FBXO4: variants seen among roughly 807,000 people sequenced by gnomAD.
FBXO4 encodes the protein F-box only protein 4.
In FBXO4, 36 loss-of-function variants were observed where a neutral mutation model predicts 43.7. The ratio of observed to expected loss-of-function variants is 0.82; its 90% CI spans 0.63 to 1.09. The LOEUF (loss-of-function observed/expected upper bound fraction) is 1.09, where lower values mean the gene tolerates loss of function less well. FBXO4 is among the 50% of genes least tolerant of loss of function. The pLI is 0.00. For synonymous variants in FBXO4, 180 were observed against 165.6 expected (o/e 1.09, Z -0.67); for missense variants, 435 against 474.1 (o/e 0.92, Z 0.77).
the FBXO4 span, among the ~76,000 whole-genome samples, chr5:41,999,505 G>GTA: frequency 6.3e-5 from 4 of 63,360 alleles, no homozygotes; most frequent in African/African-American, 1.6e-4. Flanking sequence ...ATATATATAT[G>GTA]TGTATATATA....
At chr5:41,962,396 G>A in the FBXO4 span, among the ~76,000 whole-genome samples, 2 of 152,056 alleles carry the variant, frequency 1.3e-5, no homozygotes, top group East Asian at 3.9e-4. Context: ...TGCATCAGTG[G>A]GGGCCCTGAG....
the FBXO4 span, among the ~76,000 whole-genome samples, chr5:41,981,033 A>G: frequency 6.6e-6 from 1 of 152,074 alleles, no homozygotes; most frequent in East Asian, 1.9e-4. Context: ...CTAGATATAT[A>G]TAAGAGCCTT....
Position 41,941,709 on chromosome 5 carries a change from A to G in FBXO4, c.*428A>G, listed in dbSNP as rs1178912411. ...GTTATCAGAAAAGAAATTTTTATCT[A>G]TTCTTAATAAATACACTGCTTAAAG... On this transcript the variant is annotated 3_prime_UTR_variant, in exon 7 of 7. Transcript: ENST00000281623. The G allele has an allele frequency of 6.4e-6, 1 of 156,770 alleles. No homozygotes were observed. Among genetic ancestry groups the G allele is most frequent in the East Asian group, 1.8e-4 (1 of 5,514 alleles). The allele number at this position is 156,770 out of a possible 1,614,324, so 9.7% of individuals were successfully genotyped here.
At chr5:41,950,865 T>C in the FBXO4 span, among the ~76,000 whole-genome samples, 1 of 152,184 alleles carries the variant, frequency 6.6e-6, no homozygotes, top group Non-Finnish European at 1.5e-5. Flanking sequence ...ATATACACCA[T>C]GGAATACTCT....
Position 41,927,181 on chromosome 5 carries a change from G to A in FBXO4, c.358G>A (p.Asp120Asn). 6.2e-7 allele frequency: 1 copy of A among 1,613,716 alleles called. No homozygotes were observed. Among genetic ancestry groups the A allele is most frequent in the Non-Finnish European group, 8.5e-7 (1 of 1,179,914 alleles). The change falls in exon 2 of 7, where the codon GAT becomes AAT. Residue 120 changes from aspartate (D) to asparagine (N), a missense_variant. Transcript: ENST00000281623. Reference protein sequence around the residue: ...WSSVDWKSLPDLEILKKPISE... With the variant: ...WSSVDWKSLPNLEILKKPISE... ...TTCTGTTGACTGGAAGTCTCTTCCA[G>A]ATCTAGAAATCTTAAAAAAGCCTAT...
the FBXO4 span, among the ~76,000 whole-genome samples, chr5:42,009,375 A>ATGTGTGTG: frequency 5.3e-4 from 76 of 143,694 alleles, no homozygotes; most frequent in African/African-American, 1.4e-3. Flanking sequence ...GTGTGTGTGT[A>ATGTGTGTG]TGTGTGTGTG....
intron 6 of FBXO4, among the ~76,000 whole-genome samples, chr5:41,940,892 G>C (rs1194690521): frequency 2.6e-5 from 4 of 152,114 alleles, no homozygotes; most frequent in African/African-American, 9.7e-5. Flanking sequence ...TTTCAAAGTG[G>C]ATCCTTTGGA....
chr5:41,929,558 C>G, intron 2 of FBXO4, 139 bp from the exon 3 acceptor site: 1 of 648,010 alleles, frequency 1.5e-6, no homozygotes, highest in Non-Finnish European at 2.6e-6. Flanking sequence ...AGGTGTCTGT[C>G]TATTGTTCTC....
chr5:41,960,269 G>C, the FBXO4 span, among the ~76,000 whole-genome samples: 1 of 151,538 alleles, frequency 6.6e-6, no homozygotes, highest in Non-Finnish European at 1.5e-5. Context: ...GAGTCCTTAG[G>C]GTTTTCTATA....
the FBXO4 span, among the ~76,000 whole-genome samples, chr5:42,028,407 G>A: frequency 1.3e-5 from 2 of 151,598 alleles, no homozygotes; most frequent in African/African-American, 4.8e-5. Context: ...TTCAGTTTTT[G>A]TGTGTTTTTA....
intron 3 of FBXO4, among the ~76,000 whole-genome samples, chr5:41,931,196 TAAG>T (rs1159355001): frequency 6.6e-6 from 1 of 152,190 alleles, no homozygotes; most frequent in African/African-American, 2.4e-5. Context: ...GGAGACCCAT[TAAG>T]AAGCCACTGT....
chr5:42,015,299 C>T, the FBXO4 span, among the ~76,000 whole-genome samples: 17 of 152,190 alleles, frequency 1.1e-4, no homozygotes, highest in East Asian at 3.8e-4. Flanking sequence ...TGTGTGCACA[C>T]GCACATGCGC....
the FBXO4 span, among the ~76,000 whole-genome samples, chr5:41,948,963 G>A: frequency 8.4e-4 from 128 of 152,158 alleles, no homozygotes; most frequent in African/African-American, 2.9e-3. Flanking sequence ...TGACAAAAAC[G>A]ACATGATTAT....
chr5:42,000,884 G>A, the FBXO4 span, among the ~76,000 whole-genome samples: 6 of 152,216 alleles, frequency 3.9e-5, no homozygotes, highest in East Asian at 1.2e-3. Flanking sequence ...TCAATTGACT[G>A]TAAATGTGTG....
At chr5:42,036,960 T>A in the FBXO4 span, among the ~76,000 whole-genome samples, 1 of 152,034 alleles carries the variant, frequency 6.6e-6, no homozygotes, top group Non-Finnish European at 1.5e-5. Flanking sequence ...CATTCCTCAG[T>A]CATCAGTTGT....
At chr5:41,932,043 G>T (rs1751701909) in intron 3 of FBXO4, among the ~76,000 whole-genome samples, 1 of 152,074 alleles carries the variant, frequency 6.6e-6, no homozygotes, top group Non-Finnish European at 1.5e-5. Context: ...CTCACCTAGG[G>T]GTAGGCCAAT....
chr5:41,936,649 C>T (rs1231392135), intron 5 of FBXO4, among the ~76,000 whole-genome samples: 1 of 152,002 alleles, frequency 6.6e-6, no homozygotes, highest in Non-Finnish European at 1.5e-5. Flanking sequence ...GTAAAACAAG[C>T]ATGCTAGATA....
chr5:42,014,059 T>C, the FBXO4 span, among the ~76,000 whole-genome samples: 398 of 152,258 alleles, frequency 2.6e-3, 4 homozygotes, highest in Middle Eastern at 6.8e-3. Context: ...GCCAACATTT[T>C]AGAAAGACAG....
chr5:42,015,483 C>T, the FBXO4 span, among the ~76,000 whole-genome samples: 1 of 152,120 alleles, frequency 6.6e-6, no homozygotes, highest in Non-Finnish European at 1.5e-5. Context: ...AGATCACATG[C>T]CTTCAGGCTA....
Sources: gnomAD v4.1 joint callset for allele counts (sites outside exome capture counted in the v4.1 genomes callset) on GRCh38, gnomAD v4.1.1 for gene constraint, MANE v1.5 for transcripts, NCBI Gene and HGNC (gene_info 2026-07-23, HGNC 2026-07-21) for gene names.